Variants in SLC38A3 observed in about 807,000 individuals in gnomAD.
SLC38A3 encodes sodium-coupled neutral amino acid transporter 3.
In SLC38A3, 17 loss-of-function variants were observed where a neutral mutation model predicts 59.5. That is an observed-to-expected ratio of 0.29 (90% confidence interval 0.20 to 0.43). The LOEUF is 0.43. SLC38A3 is among the 20% of genes least tolerant of loss of function. The pLI is 1.00. For missense variants in SLC38A3, 454 were observed against 653.9 expected (o/e 0.69, Z 3.33); for synonymous variants, 238 against 260.3 (o/e 0.91, Z 0.82).
chr3:50,220,203 C>G lies in SLC38A3; in HGVS notation c.*26C>G, dbSNP rs768866627. ...GGTGACCCTCATCCTGTTCTGTCTACTCACCCTAGCAGCCCTGCCCAGACT... is the reference window on the plus strand; with the variant it reads ...GGTGACCCTCATCCTGTTCTGTCTAGTCACCCTAGCAGCCCTGCCCAGACT... On this transcript the variant is annotated 3_prime_UTR_variant, in exon 16 of 16. Coordinates refer to ENST00000614032, the MANE Select transcript of SLC38A3 (RefSeq NM_006841.6). 7 of 1,526,182 alleles carry G rather than the reference C, an allele frequency of 4.6e-6. No homozygotes were observed. Among genetic ancestry groups the G allele is most frequent in the Non-Finnish European group, 6.2e-6 (7 of 1,121,512 alleles). The allele number at this position is 1,526,182 out of a possible 1,614,324, so 94.5% of individuals were successfully genotyped here. A position where few individuals can be genotyped will look rare whatever the true frequency, so the allele number is the denominator to read the frequency against.
In SLC38A3 at chr3:50,215,131, G is replaced by C. The variant is rs1699798192; in HGVS notation, c.300-255G>C. 12 of 576,534 alleles carry C rather than the reference G, an allele frequency of 2.1e-5. No individual in the cohort carries two copies. Among genetic ancestry groups the C allele is most frequent in the Middle Eastern group, 4.6e-4 (1 of 2,164 alleles). 35.7% of individuals were successfully genotyped at this position (576,534 alleles called of 1,614,324 possible). A position where few individuals can be genotyped will look rare whatever the true frequency, so the allele number is the denominator to read the frequency against. On this transcript the variant is annotated intron_variant, in intron 4 of 15. Coordinates refer to ENST00000614032, the MANE Select transcript of SLC38A3 (RefSeq NM_006841.6). The surrounding 1 kb of genome is among the most constrained non-coding windows in gnomAD (Gnocchi z 7.1). ...TGTTTGTTTCAAGGACTCAAGAGGA[G>C]GACGTGCTCAGAGGGCAGTCACAGG...
At position 50,215,782 on chromosome 3, in the gene SLC38A3, T is replaced by A; in HGVS notation, c.509T>A (p.Leu170His). 6.3e-7 allele frequency: 1 copy of A among 1,597,190 alleles called. No homozygotes were observed. The highest frequency in any genetic ancestry group is 1.7e-5 in the Admixed American group (1 of 57,256). Residue 170 changes from leucine to histidine, a missense_variant, in exon 7 of 16, where the codon CTT (leucine) becomes CAT (histidine). Around this residue, in one of 3 missense-constraint regions of SLC38A3, gnomAD observed 390 missense variants for 557.9 expected, o/e 0.70. Transcript: ENST00000614032. This position sits in a 1 kb window ranked among gnomAD's most constrained non-coding sequence, Gnocchi z 7.1. ...TACATCATCAAGTCTGAGCTGCCAC[T>A]TGTCATACAGACCTTCCTGAACCTG... ...YLYIIKSELPLVIQTFLNLEE... is the reference protein window; with the variant it reads ...YLYIIKSELPHVIQTFLNLEE...
chr3:50,216,522 G>C (rs587764062), intron 7 of SLC38A3, among the ~76,000 whole-genome samples: 1 of 152,326 alleles, frequency 6.6e-6, no homozygotes, highest in East Asian at 1.9e-4. Flanking sequence ...GAACCGCAAG[G>C]AGCACAGGTT....
rs1699831377 is a variant in SLC38A3, at chr3:50,217,231, C to T, written c.549-7C>T. 2 of 1,608,456 alleles carry T rather than the reference C, an allele frequency of 1.2e-6. No homozygotes were observed. The highest frequency in any genetic ancestry group is 8.5e-7 in the Non-Finnish European group (1 of 1,176,674). On this transcript the variant is annotated splice_region_variant and splice_polypyrimidine_tract_variant and intron_variant, in intron 7 of 15. Transcript: ENST00000614032. The surrounding 1 kb of genome is among the most constrained non-coding windows in gnomAD (Gnocchi z 4.9). ...CTGACCCTGGCTCCCGACTCATGTC[C>T]CTGCAGGGACTGGTACATGAACGGG...
intron 15 of SLC38A3, 43 bp from the exon 16 acceptor site, chr3:50,220,030 A>T (rs1699875605): frequency 6.2e-7 from 1 of 1,601,796 alleles, no homozygotes; most frequent in Middle Eastern, 1.7e-4. Context: ...GGCTAAGGGA[A>T]CTGCCCTGAC....
At position 50,217,380 on chromosome 3, in the gene SLC38A3, G is replaced by T. The variant is rs971025929; in HGVS notation, c.632-35G>T. 3 of 1,611,614 alleles carry T rather than the reference G, an allele frequency of 1.9e-6. No homozygotes were observed. The African/African-American group carries it at 4.0e-5, about 22-fold the overall frequency. On this transcript the variant is annotated intron_variant, in intron 8 of 15. Coordinates refer to ENST00000614032, the MANE Select transcript of SLC38A3 (RefSeq NM_006841.6). This position sits in a 1 kb window ranked among gnomAD's most constrained non-coding sequence, Gnocchi z 4.9. ...GTTGGAGGCATACACCATGGGAGGG[G>T]CCCCAGGTCTCAGAGTGCTCCCTCC...
At chr3:50,216,296 C>T (rs769804957) in intron 7 of SLC38A3, among the ~76,000 whole-genome samples, 3 of 152,200 alleles carry the variant, frequency 2.0e-5, no homozygotes, top group Non-Finnish European at 2.9e-5. Flanking sequence ...CAGCCCAGCC[C>T]GAGCAAGCAG....
intron 1 of SLC38A3, among the ~76,000 whole-genome samples, chr3:50,207,104 G>A (rs1010549078): frequency 1.1e-4 from 17 of 152,226 alleles, no homozygotes; most frequent in Non-Finnish European, 2.2e-4. Flanking sequence ...ATATTTGGAG[G>A]GGAGTGGTGT....
chr3:50,218,069 A>G lies in SLC38A3; in HGVS notation c.935+73A>G. Reference sequence around the variant, plus strand: ...TTGGGGAGAATGGATGTGGTCCTGAATGTGGAGAGGGGAGTGACAGGAGCC... The same window carrying G: ...TTGGGGAGAATGGATGTGGTCCTGAGTGTGGAGAGGGGAGTGACAGGAGCC... On this transcript the variant is annotated intron_variant, in intron 11 of 15. Coordinates refer to ENST00000614032, the MANE Select transcript of SLC38A3 (RefSeq NM_006841.6). This position sits in a 1 kb window ranked among gnomAD's most constrained non-coding sequence, Gnocchi z 5.8. The G allele has an allele frequency of 6.8e-7, 1 of 1,462,534 alleles. No homozygotes were observed. Among genetic ancestry groups the G allele is most frequent in the Non-Finnish European group, 9.5e-7 (1 of 1,049,944 alleles). 90.6% of individuals were successfully genotyped at this position (1,462,534 alleles called of 1,614,324 possible).
Position 50,218,920 on chromosome 3 carries a change from C to G in SLC38A3, c.1278C>G (p.Pro426=). 1 of 1,612,656 alleles carries G rather than the reference C, an allele frequency of 6.2e-7. No individual in the cohort carries two copies. The highest frequency in any genetic ancestry group is 8.5e-7 in the Non-Finnish European group (1 of 1,178,762). ...TCINLLVIFA[P]NILGIFGVIG... is the part of the protein sequence containing the mutation. ...TCAACCTGCTGGTCATCTTTGCCCCCAACATCCTGGGCATCTTTGGGGTCA... is the reference window on the plus strand; with the variant it reads ...TCAACCTGCTGGTCATCTTTGCCCCGAACATCCTGGGCATCTTTGGGGTCA... Residue 426 remains proline (P), a synonymous_variant, in exon 14 of 16, where the codon CCC becomes CCG. Coordinates refer to ENST00000614032, the MANE Select transcript of SLC38A3 (RefSeq NM_006841.6). This position sits in a 1 kb window ranked among gnomAD's most constrained non-coding sequence, Gnocchi z 5.8.
chr3:50,213,655 C>T (rs1036441036), intron 1 of SLC38A3, among the ~76,000 whole-genome samples: 2 of 152,232 alleles, frequency 1.3e-5, no homozygotes, highest in African/African-American at 4.8e-5. Flanking sequence ...CCCGAGGCCT[C>T]CAGCCGTCGG....
In SLC38A3 at chr3:50,209,664, GA is replaced by G. The variant is rs1024245676; in HGVS notation, c.-52+4325del. 1.4e-4 allele frequency among the ~76,000 whole-genome samples: 21 copies of G among 148,440 alleles called. 1 individual carries two copies. The South Asian group carries it at 2.5e-3, about 18-fold the overall frequency. On this transcript the variant is annotated intron_variant, in intron 1 of 15. Coordinates refer to ENST00000614032, the MANE Select transcript of SLC38A3 (RefSeq NM_006841.6). ...ACTCCGTCTCAAAAAAAAAAAACAAGAAAAAAAAAGAAAATGTACCCGGCCA... is the reference window on the plus strand; with the variant it reads ...ACTCCGTCTCAAAAAAAAAAAACAAGAAAAAAAAGAAAATGTACCCGGCCA...
At chr3:50,206,725 C>G (rs1022570056) in intron 1 of SLC38A3, among the ~76,000 whole-genome samples, 1 of 152,190 alleles carries the variant, frequency 6.6e-6, no homozygotes, top group Non-Finnish European at 1.5e-5. Flanking sequence ...GGCTGAATCT[C>G]TGGGGAGGGT....
In SLC38A3 at chr3:50,221,298, CA is replaced by C. The variant is rs1699892743; in HGVS notation, c.*1122del. ...ACGTGAGGTGCATCCCCAGCAGCTT[CA>C]GGGAGGGTCTGAGCTGGGGGCAGCT... On this transcript the variant is annotated 3_prime_UTR_variant, in exon 16 of 16. Transcript: ENST00000614032. 1 of 152,184 alleles carries C rather than the reference CA, an allele frequency of 6.6e-6. No individual in the cohort carries two copies. The highest frequency in any genetic ancestry group is 2.1e-4 in the South Asian group (1 of 4,824). 9.4% of individuals were successfully genotyped at this position (152,184 alleles called of 1,614,324 possible). A position where few individuals can be genotyped will look rare whatever the true frequency, so the allele number is the denominator to read the frequency against.
chr3:50,218,563 C>T lies in SLC38A3; in HGVS notation c.1037-30C>T. The T allele has an allele frequency of 1.2e-6, 2 of 1,605,918 alleles. No individual in the cohort carries two copies. Among genetic ancestry groups the T allele is most frequent in the Non-Finnish European group, 1.7e-6 (2 of 1,175,928 alleles). On this transcript the variant is annotated intron_variant, in intron 12 of 15. Coordinates refer to ENST00000614032, the MANE Select transcript of SLC38A3 (RefSeq NM_006841.6). This position sits in a 1 kb window ranked among gnomAD's most constrained non-coding sequence, Gnocchi z 5.8. ...AGATCCCACCTCCTTCCTGGGGCCACCTACTGACCACCCTCCCTGCCTGCC... is the reference window on the plus strand; with the variant it reads ...AGATCCCACCTCCTTCCTGGGGCCATCTACTGACCACCCTCCCTGCCTGCC...
chr3:50,207,259 G>A (rs781451591), intron 1 of SLC38A3: 1 of 152,292 alleles, frequency 6.6e-6, no homozygotes, highest in Non-Finnish European at 1.5e-5. Context: ...GCCTCACTTG[G>A]AGCAGGTAAG....
intron 1 of SLC38A3, among the ~76,000 whole-genome samples, chr3:50,212,253 C>G (rs1475020751): frequency 6.6e-6 from 1 of 152,204 alleles, no homozygotes; most frequent in African/African-American, 2.4e-5. Flanking sequence ...GGTGTTTTGT[C>G]CAGACTGCCA....
chr3:50,215,735 C>G lies in SLC38A3; in HGVS notation c.467-5C>G. On this transcript the variant is annotated splice_polypyrimidine_tract_variant and splice_region_variant and intron_variant, in intron 6 of 15. Transcript: ENST00000614032. The surrounding 1 kb of genome is among the most constrained non-coding windows in gnomAD (Gnocchi z 7.1). Reference sequence around the variant, plus strand: ...GCGCCTGCCTGCCCGCCCCTCTCCCCACAGCCATGTCCAGCTACCTGTACA... The same window carrying G: ...GCGCCTGCCTGCCCGCCCCTCTCCCGACAGCCATGTCCAGCTACCTGTACA... The G allele has an allele frequency of 6.2e-7, 1 of 1,604,814 alleles. No homozygotes were observed. The highest frequency in any genetic ancestry group is 8.5e-7 in the Non-Finnish European group (1 of 1,176,100).
chr3:50,219,057 T>C, intron 14 of SLC38A3, 109 bp downstream of exon 14: 2 of 1,377,878 alleles, frequency 1.5e-6, no homozygotes, highest in Non-Finnish European at 2.0e-6. Flanking sequence ...GCAGTGGCCA[T>C]GTGCACAGTT....
Sources: allele counts gnomAD v4.1 joint callset (sites outside exome capture counted in the v4.1 genomes callset), GRCh38; gene constraint gnomAD v4.1.1; regional missense constraint gnomAD v4.1.1; non-coding constraint Gnocchi (gnomAD v3.1); transcripts MANE v1.5; gene names NCBI Gene and HGNC (gene_info 2026-07-23, HGNC 2026-07-21).